Variants in ABCB4 observed in about 807,000 individuals in gnomAD.
ABCB4 encodes the protein phosphatidylcholine translocator ABCB4.
Under a neutral mutation model 145.7 loss-of-function variants are expected in ABCB4, and 76 were observed. The observed-to-expected ratio is 0.52, with a 90% CI of 0.43 to 0.63. The LOEUF (loss-of-function observed/expected upper bound fraction) is 0.63, where lower values mean the gene tolerates loss of function less well. Among genes scored for constraint, ABCB4 ranks in the 30% least tolerant of loss-of-function variants. The probability of loss-of-function intolerance (pLI) is 0.00; values close to 1 mark genes in which losing one functional copy is unlikely to be tolerated. For synonymous variants in ABCB4, 517 were observed against 566.8 expected (o/e 0.91, Z 1.25); for missense variants, 1,234 against 1,553.1 (o/e 0.79, Z 3.45).
At position 87,454,622 on chromosome 7, in the gene ABCB4, A is replaced by G. The variant is rs376230407; in HGVS notation, c.287-30T>C. ...ATTAAAAAATAAAATAAAACATGTTAAAAGATCAAACTATTAATAGGCATT... is the reference window on the plus strand; with the variant it reads ...ATTAAAAAATAAAATAAAACATGTTGAAAGATCAAACTATTAATAGGCATT... On this transcript the variant is annotated intron_variant, in intron 4 of 27. Transcript: ENST00000649586. The G allele has an allele frequency of 2.6e-6, 4 of 1,539,472 alleles. No individual in the cohort carries two copies. The African/African-American group carries it at 4.1e-5, about 16-fold the overall frequency.
At chr7:87,462,493 G>A (rs1376137763) in intron 4 of ABCB4, among the ~76,000 whole-genome samples, 1 of 152,178 alleles carries the variant, frequency 6.6e-6, no homozygotes, top group Non-Finnish European at 1.5e-5. Flanking sequence ...CTCAAGTAGA[G>A]TGACTTCCTT....
At chr7:87,382,187 T>G in the ABCB4 span, 1 of 1,583,522 alleles carries the variant, frequency 6.3e-7, no homozygotes, top group African/African-American at 1.4e-5. Context: ...GGGAGGTATA[T>G]TTTTCACTTT....
chr7:87,389,918 G>GATAT, the ABCB4 span, among the ~76,000 whole-genome samples: 1 of 152,014 alleles, frequency 6.6e-6, no homozygotes, highest in Non-Finnish European at 1.5e-5. Context: ...TTATATAGAA[G>GATAT]ATATGTTCAA....
the ABCB4 span, among the ~76,000 whole-genome samples, chr7:87,367,095 T>C: frequency 6.6e-6 from 1 of 152,194 alleles, no homozygotes; most frequent in Admixed American, 6.5e-5. Context: ...ATCCCTGAAA[T>C]TGTTAATATG....
chr7:87,440,864 G>A (rs973776127), intron 12 of ABCB4, among the ~76,000 whole-genome samples: 7 of 151,822 alleles, frequency 4.6e-5, no homozygotes, highest in African/African-American at 9.7e-5. Flanking sequence ...CCTCAGCCTC[G>A]AGAGTAGCTG....
the ABCB4 span, among the ~76,000 whole-genome samples, chr7:87,386,141 C>T: frequency 6.6e-6 from 1 of 151,982 alleles, no homozygotes; most frequent in Non-Finnish European, 1.5e-5. Flanking sequence ...TTAGTTGTGT[C>T]CTTTTCTGGT....
chr7:87,435,432 A>G (rs1810545996), intron 14 of ABCB4, among the ~76,000 whole-genome samples: 1 of 152,224 alleles, frequency 6.6e-6, no homozygotes, highest in African/African-American at 2.4e-5. Context: ...AAGAAAATGT[A>G]AAGAAATTGA....
chr7:87,383,795 C>T, the ABCB4 span, among the ~76,000 whole-genome samples: 26 of 151,918 alleles, frequency 1.7e-4, no homozygotes, highest in Non-Finnish European at 4.4e-5. Flanking sequence ...CCACGCCCGG[C>T]CCACATTTTC....
chr7:87,422,183 T>C lies in ABCB4; in HGVS notation c.2254A>G (p.Asn752Asp). The change falls in exon 18 of 28, where the codon AAC becomes GAC. Residue 752 changes from asparagine (N) to aspartate (D), a missense_variant. This residue lies in a region of ABCB4 where 321 missense variants were observed against 332.6 expected (regional missense o/e 0.97). Transcript: ENST00000649586. ...AATAAGAAAATCAAAGAGAATATGT[T>C]GCACTTCTGCTGCTTCACTGCATCA... is the stretch of plus-strand genomic sequence containing the variant. The part of the protein sequence containing the change: ...GDDAVKQQKC[N>D]IFSLIFLFLG... The C allele has an allele frequency of 6.2e-7, 1 of 1,613,790 alleles. No homozygotes were observed. Among genetic ancestry groups the C allele is most frequent in the Non-Finnish European group, 8.5e-7 (1 of 1,179,780 alleles).
chr7:87,392,937 G>A, the ABCB4 span: 31 of 1,613,280 alleles, frequency 1.9e-5, no homozygotes, highest in Non-Finnish European at 2.2e-5. Context: ...TTCTTTTATT[G>A]TGCCACACAG....
intron 2 of ABCB4, among the ~76,000 whole-genome samples, chr7:87,473,264 T>TA (rs1220481167): frequency 6.6e-6 from 1 of 152,214 alleles, no homozygotes; most frequent in Non-Finnish European, 1.5e-5. Flanking sequence ...TCCTTTTTCT[T>TA]ACAATAAAAG....
the ABCB4 span, chr7:87,377,506 A>T: frequency 1.0e-6 from 1 of 996,748 alleles, no homozygotes; most frequent in Admixed American, 1.8e-5. Context: ...ATTAATGACA[A>T]TAAACCATAA....
At chr7:87,382,923 T>C in the ABCB4 span, among the ~76,000 whole-genome samples, 56 of 152,364 alleles carry the variant, frequency 3.7e-4, no homozygotes, top group African/African-American at 1.3e-3. Flanking sequence ...ACATTAATTT[T>C]GTGACTTAAT....
Position 87,466,703 on chromosome 7 carries a change from G to C in ABCB4, c.136-3795C>G, listed in dbSNP as rs979342565. Among the ~76,000 whole-genome samples the C allele has an allele frequency of 1.1e-4, 17 of 152,120 alleles. 1 individual carries two copies. Among genetic ancestry groups the C allele is most frequent in the Non-Finnish European group, 2.4e-4 (16 of 68,034 alleles). ...CCATCAGACTAACAGCTGATCTCTC[G>C]GCAGAAACTCTACAAGCCAGAAGAG... On this transcript the variant is annotated intron_variant, in intron 3 of 27. Transcript: ENST00000649586.
At chr7:87,441,356 C>T (rs1810973205) in intron 12 of ABCB4, among the ~76,000 whole-genome samples, 2 of 152,100 alleles carry the variant, frequency 1.3e-5, no homozygotes, top group South Asian at 4.2e-4. Context: ...TGTTTTCTTC[C>T]AATTAATAGG....
chr7:87,426,946 T>TGTGA, intron 15 of ABCB4, 26 bp from the exon 16 acceptor site: 1 of 1,050,854 alleles, frequency 9.5e-7, no homozygotes. Context: ...GACATTAAAG[T>TGTGA]GTGTGTGTGT....
chr7:87,393,885 T>G, the ABCB4 span, among the ~76,000 whole-genome samples: 3 of 152,260 alleles, frequency 2.0e-5, no homozygotes, highest in East Asian at 3.9e-4. Flanking sequence ...TGAGAAAATT[T>G]TTTGGAGATT....
At chr7:87,389,507 A>C in the ABCB4 span, among the ~76,000 whole-genome samples, 1 of 152,074 alleles carries the variant, frequency 6.6e-6, no homozygotes, top group South Asian at 2.1e-4. Flanking sequence ...ATCATTCTCA[A>C]CAAACTAACA....
At chr7:87,402,406 C>T in intron 27 of ABCB4, 104 bp from the exon 28 acceptor site, 3 of 1,370,310 alleles carry the variant, frequency 2.2e-6, no homozygotes, top group Non-Finnish European at 3.1e-6. Context: ...CTTTTAATTT[C>T]TAGTATCTTA....
Sources: gnomAD v4.1 joint callset for allele counts (sites outside exome capture counted in the v4.1 genomes callset) on GRCh38, gnomAD v4.1.1 for gene constraint, gnomAD v4.1.1 regional missense constraint, MANE v1.5 for transcripts, NCBI Gene and HGNC (gene_info 2026-07-23, HGNC 2026-07-21) for gene names.